The following WDR19 variants were observed in gnomAD, a reference collection of about 807,000 sequenced individuals.
WDR19 encodes the protein WD repeat domain 19.
A neutral mutation model predicts 180.0 loss-of-function variants in WDR19; 121 were observed. That is an observed-to-expected ratio of 0.67 (90% CI 0.58 to 0.78). WDR19 has a LOEUF of 0.78. WDR19 is among the 30% of genes least tolerant of loss of function. WDR19 has a pLI of 0.00. For missense variants in WDR19, 1,450 were observed against 1,640.7 expected (o/e 0.88, Z 2.01); for synonymous variants, 497 against 540.7 (o/e 0.92, Z 1.12).
intron 15 of WDR19, among the ~76,000 whole-genome samples, chr4:39,227,921 A>AT (rs1046971897): frequency 6.6e-6 from 1 of 151,988 alleles, no homozygotes; most frequent in African/African-American, 2.4e-5. Context: ...AGCAGCTTTA[A>AT]TTTTTTTTCC....
intron 33 of WDR19, 66 bp from the exon 34 acceptor site, chr4:39,276,954 T>C: frequency 6.3e-7 from 1 of 1,597,492 alleles, no homozygotes; most frequent in Non-Finnish European, 8.5e-7. Context: ...CAAATATGCT[T>C]TCTCTTTGCC....
In WDR19 at chr4:39,205,955, G is replaced by C. The variant is rs1211235444; in HGVS notation, c.890+219G>C. 7 of 459,816 alleles carry C rather than the reference G, an allele frequency of 1.5e-5. No individual in the cohort carries two copies. The South Asian group carries it at 1.9e-4, about 13-fold the overall frequency. The allele number at this position is 459,816 out of a possible 1,614,324, so 28.5% of individuals were successfully genotyped here. A position where few individuals can be genotyped will look rare whatever the true frequency, so the allele number is the denominator to read the frequency against. On this transcript the variant is annotated intron_variant, in intron 9 of 36. Coordinates refer to ENST00000399820, the MANE Select transcript of WDR19 (RefSeq NM_025132.4). ...AAAATAGGTAGTTCTGGGTAACATG[G>C]AGTAAGCACACTCCACCCCATGTCT...
chr4:39,284,645 T>TAA (rs144371093), intron 36 of WDR19, among the ~76,000 whole-genome samples: 1,571 of 132,122 alleles, frequency 0.012, 15 homozygotes, highest in South Asian at 0.052. Flanking sequence ...CCTGGCTTTC[T>TAA]AAAAAAAAAA....
At chr4:39,185,315 A>G (rs905902431) in intron 1 of WDR19, among the ~76,000 whole-genome samples, 2 of 152,244 alleles carry the variant, frequency 1.3e-5, no homozygotes, top group Non-Finnish European at 2.9e-5. Context: ...TTGTGTTTTT[A>G]TCATGTTTAA....
intron 31 of WDR19, among the ~76,000 whole-genome samples, chr4:39,271,808 G>C (rs150604586): frequency 6.6e-6 from 1 of 152,140 alleles, no homozygotes; most frequent in East Asian, 1.9e-4. Context: ...GCACTGTCCA[G>C]TAGAATGTTC....
intron 36 of WDR19, among the ~76,000 whole-genome samples, 178 bp from the exon 37 acceptor site, chr4:39,285,309 G>A (rs1465106014): frequency 6.6e-6 from 1 of 152,138 alleles, no homozygotes; most frequent in Non-Finnish European, 1.5e-5. Flanking sequence ...AGTTGGCAAG[G>A]CTAATACTGA....
rs1229062277 is a variant in WDR19, at chr4:39,186,589, A to AGT, written c.149_150insGT (p.Ile51Ter). On this transcript the variant is annotated frameshift_variant, in exon 3 of 37. Transcript: ENST00000399820. LOFTEE classifies it high-confidence loss of function. ...GATCGCCATGGTCAAAAAAGAAGTG[A>AGT]AATTAACTTACCTGGGTAAGTACAG... The AGT allele has an allele frequency of 1.3e-6, 2 of 1,582,664 alleles. No individual in the cohort carries two copies. The highest frequency in any genetic ancestry group is 3.6e-5 in the Admixed American group (2 of 55,460).
rs2109410308 is a variant in WDR19, at chr4:39,245,404, C to T, written c.2681C>T (p.Ser894Phe). 2 of 1,613,750 alleles carry T rather than the reference C, an allele frequency of 1.2e-6. No individual in the cohort carries two copies. Among genetic ancestry groups the T allele is most frequent in the Non-Finnish European group, 8.5e-7 (1 of 1,179,804 alleles). Reference protein sequence around the residue: ...KVGDLLPHVSSPKIHLQYAKA... With the variant: ...KVGDLLPHVSFPKIHLQYAKA... ...GGTGATCTTCTGCCCCACGTTTCTT[C>T]TCCTAAGATCCATTTGCAGTATGCC... The change falls in exon 24 of 37, where the codon TCT becomes TTT. Residue 894 changes from serine (S) to phenylalanine (F), a missense_variant. Physicochemically the swap from Ser to Phe is radical, Grantham distance 155 (BLOSUM62 -2). Transcript: ENST00000399820.
intron 28 of WDR19, among the ~76,000 whole-genome samples, chr4:39,262,815 G>T (rs1459569572): frequency 1.3e-5 from 2 of 152,130 alleles, no homozygotes; most frequent in East Asian, 3.9e-4. Flanking sequence ...TTAGCACATG[G>T]CAGTCACTCA....
chr4:39,198,151 T>G (rs1210427260), intron 5 of WDR19, among the ~76,000 whole-genome samples: 1 of 152,178 alleles, frequency 6.6e-6, no homozygotes, highest in African/African-American at 2.4e-5. Flanking sequence ...CCTCTTTTAG[T>G]TATACCTGAA....
chr4:39,277,384 C>T (rs1357457544), intron 34 of WDR19, among the ~76,000 whole-genome samples: 2 of 152,170 alleles, frequency 1.3e-5, no homozygotes, highest in African/African-American at 2.4e-5. Context: ...CAGACTATCC[C>T]GGGCTCAGTC....
intron 4 of WDR19, among the ~76,000 whole-genome samples, chr4:39,193,256 G>T (rs774823687): frequency 6.6e-6 from 1 of 151,316 alleles, no homozygotes; most frequent in South Asian, 2.1e-4. Flanking sequence ...CCGCCTCCCG[G>T]GTTCAAGCGA....
Position 39,234,851 on chromosome 4 carries a change from A to T in WDR19, c.2339A>T (p.Glu780Val). 6.4e-7 allele frequency: 1 copy of T among 1,568,412 alleles called. No homozygotes were observed. The highest frequency in any genetic ancestry group is 8.7e-7 in the Non-Finnish European group (1 of 1,155,340). The change falls in exon 20 of 37, where the codon GAA (glutamate) becomes GTA (valine). Residue 780 changes from glutamate to valine, a missense_variant. By Grantham distance (121) the Glu-to-Val change is moderately radical. Coordinates refer to ENST00000399820, the MANE Select transcript of WDR19 (RefSeq NM_025132.4). ...APDQIPFISK[E>V]YAIQLEFAGD... is the part of the protein sequence containing the mutation. ...GACCAGATACCTTTTATATCAAAAG[A>T]ATATGCTATTCAGCTTGAATTCGCG...
chr4:39,209,627 G>A (rs1399612811), intron 9 of WDR19, among the ~76,000 whole-genome samples: 12 of 150,034 alleles, frequency 8.0e-5, no homozygotes, highest in Admixed American at 6.7e-4. Context: ...CAGGAGAATC[G>A]CTTGAACCCA....
intron 28 of WDR19, among the ~76,000 whole-genome samples, chr4:39,262,902 ATTTC>A (rs1734427791): frequency 6.6e-6 from 1 of 151,468 alleles, no homozygotes; most frequent in African/African-American, 2.4e-5. Context: ...CCAATCCTCC[ATTTC>A]TTTCTTTCTT....
At chr4:39,274,332 A>G (rs1488133817) in intron 32 of WDR19, 1 of 159,054 alleles carries the variant, frequency 6.3e-6, no homozygotes, top group Non-Finnish European at 1.4e-5. Flanking sequence ...GGAAATTGGT[A>G]TGGCCTTTGC....
Position 39,216,193 on chromosome 4 carries a change from A to G in WDR19, c.1232A>G (p.Tyr411Cys), listed in dbSNP as rs761268969. The G allele has an allele frequency of 6.4e-7, 1 of 1,570,800 alleles. No individual in the cohort carries two copies. Among genetic ancestry groups the G allele is most frequent in the Admixed American group, 1.9e-5 (1 of 53,040 alleles). ...AVGMNNRAWF[Y>C]VLGENAVKKL... ...GGAATGAATAATCGAGCTTGGTTTT[A>G]TGTCCTTGGAGAAAATGGCAAGTCT... The change falls in exon 12 of 37, where the codon TAT (tyrosine) becomes TGT (cysteine). Residue 411 changes from tyrosine to cysteine, a missense_variant. Coordinates refer to ENST00000399820, the MANE Select transcript of WDR19 (RefSeq NM_025132.4).
intron 27 of WDR19, among the ~76,000 whole-genome samples, chr4:39,257,088 G>T (rs1733834659): frequency 6.6e-6 from 1 of 152,158 alleles, no homozygotes; most frequent in Non-Finnish European, 1.5e-5. Flanking sequence ...TAGCAAGACT[G>T]TACATAACAC....
At chr4:39,240,500 C>T (rs1365763932) in intron 21 of WDR19, among the ~76,000 whole-genome samples, 166 bp downstream of exon 21, 2 of 152,028 alleles carry the variant, frequency 1.3e-5, no homozygotes, top group Non-Finnish European at 2.9e-5. Context: ...CCTTTTAAAA[C>T]ACTTCAAGCT....
Sources: allele counts gnomAD v4.1 joint callset (sites outside exome capture counted in the v4.1 genomes callset), GRCh38; gene constraint gnomAD v4.1.1; transcripts MANE v1.5; gene names NCBI Gene and HGNC (gene_info 2026-07-23, HGNC 2026-07-21).